The following DPP6 variants were observed in gnomAD, a reference collection of about 807,000 sequenced individuals.
DPP6 encodes A-type potassium channel modulatory protein DPP6.
DPP6 carries 69 observed loss-of-function variants against 122.6 expected under a neutral mutation model. That is an observed-to-expected ratio of 0.56 (90% CI 0.46 to 0.69). The LOEUF (loss-of-function observed/expected upper bound fraction) is 0.69, where lower values mean the gene tolerates loss of function less well. DPP6 is among the 30% of genes least tolerant of loss of function. The pLI is 0.00. For synonymous variants in DPP6, 418 were observed against 433.1 expected (o/e 0.97, Z 0.43); for missense variants, 928 against 1,116.9 (o/e 0.83, Z 2.41).
intron 1 of DPP6, among the ~76,000 whole-genome samples, chr7:154,249,858 C>T (rs1802236879): frequency 6.6e-6 from 1 of 152,052 alleles, no homozygotes; most frequent in Admixed American, 6.6e-5. Flanking sequence ...AGGAGACCAC[C>T]CTTCATACTG....
intron 1 of DPP6, among the ~76,000 whole-genome samples, chr7:154,318,935 A>G (rs190175550): frequency 0.016 from 2,472 of 152,274 alleles, 34 homozygotes; most frequent in Non-Finnish European, 0.022. Flanking sequence ...TGATGGGCTT[A>G]TGCCCAGGCA....
At chr7:154,020,666 C>A (rs1383066453) in intron 1 of DPP6, among the ~76,000 whole-genome samples, 1 of 152,156 alleles carries the variant, frequency 6.6e-6, no homozygotes, top group Non-Finnish European at 1.5e-5. Flanking sequence ...ATTTAAATAG[C>A]CTCTGACCTC....
chr7:154,280,856 C>T (rs1026918406), intron 1 of DPP6, among the ~76,000 whole-genome samples: 49 of 152,216 alleles, frequency 3.2e-4, no homozygotes, highest in East Asian at 7.7e-4. Flanking sequence ...AGCCATCCCA[C>T]GAGGTAACCA....
chr7:154,884,633 A>ACG (rs2150689331), intron 21 of DPP6: 1 of 109,980 alleles, frequency 9.1e-6, no homozygotes. Flanking sequence ...ACACAGGCTC[A>ACG]TACACATGCT....
chr7:154,791,483 C>G (rs1353158231), intron 10 of DPP6, among the ~76,000 whole-genome samples: 1 of 152,132 alleles, frequency 6.6e-6, no homozygotes, highest in African/African-American at 2.4e-5. Context: ...AACTTATTCC[C>G]TACCATGGGA....
intron 1 of DPP6, among the ~76,000 whole-genome samples, chr7:154,405,222 A>G (rs1815980406): frequency 6.6e-6 from 1 of 152,178 alleles, no homozygotes; most frequent in Admixed American, 6.5e-5. Context: ...ACACCCATTA[A>G]ATTACATAGC....
intron 4 of DPP6, among the ~76,000 whole-genome samples, chr7:154,543,229 A>C (rs1447550314): frequency 6.6e-6 from 1 of 152,236 alleles, no homozygotes; most frequent in Non-Finnish European, 1.5e-5. Flanking sequence ...TTGGGCTATA[A>C]AACAGCCTTA....
chr7:154,043,190 C>G (rs1031739170), intron 1 of DPP6, among the ~76,000 whole-genome samples: 1 of 151,914 alleles, frequency 6.6e-6, no homozygotes, highest in African/African-American at 2.4e-5. Flanking sequence ...GGGTTTGAGA[C>G]CAACCTGACC....
At chr7:154,683,814 C>T (rs193014677) in intron 7 of DPP6, among the ~76,000 whole-genome samples, 1 of 152,296 alleles carries the variant, frequency 6.6e-6, no homozygotes, top group Non-Finnish European at 1.5e-5. Flanking sequence ...CCCAGACCAC[C>T]TCTCACTGCG....
At chr7:154,132,872 C>T (rs1318996929) in intron 1 of DPP6, among the ~76,000 whole-genome samples, 1 of 151,990 alleles carries the variant, frequency 6.6e-6, no homozygotes, top group Non-Finnish European at 1.5e-5. Context: ...ATAGTATTCT[C>T]TTTCCAAGAA....
chr7:153,760,772 T>C, the DPP6 span, among the ~76,000 whole-genome samples: 1 of 152,190 alleles, frequency 6.6e-6, no homozygotes, highest in African/African-American at 2.4e-5. Flanking sequence ...TTTTCTGTCC[T>C]GTGTGAGTGT....
chr7:154,371,451 G>C (rs1812669895), intron 1 of DPP6, among the ~76,000 whole-genome samples: 1 of 150,022 alleles, frequency 6.7e-6, no homozygotes, highest in Non-Finnish European at 1.5e-5. Flanking sequence ...AAATGTTGCA[G>C]TGAAAAAATA....
chr7:154,156,135 G>A (rs1365059289), intron 1 of DPP6, among the ~76,000 whole-genome samples: 1 of 152,212 alleles, frequency 6.6e-6, no homozygotes, highest in Non-Finnish European at 1.5e-5. Flanking sequence ...ATGCCCTGAG[G>A]AGCTCTGGGA....
At chr7:154,109,403 GTC>G (rs1806404394) in intron 1 of DPP6, among the ~76,000 whole-genome samples, 1 of 151,942 alleles carries the variant, frequency 6.6e-6, no homozygotes, top group African/African-American at 2.4e-5. Flanking sequence ...TGATTTTCCT[GTC>G]TCAGCCTCCT....
intron 1 of DPP6, among the ~76,000 whole-genome samples, chr7:154,120,543 C>T (rs1266788751): frequency 1.3e-5 from 2 of 152,150 alleles, no homozygotes; most frequent in Non-Finnish European, 2.9e-5. Flanking sequence ...CGCGCCCAGC[C>T]ATCTATGTTC....
intron 1 of DPP6, among the ~76,000 whole-genome samples, chr7:154,418,921 C>T (rs1212225511): frequency 6.6e-6 from 1 of 152,214 alleles, no homozygotes; most frequent in African/African-American, 2.4e-5. Flanking sequence ...CAAGGCTGTG[C>T]ATTCCAGACC....
At chr7:153,955,076 GC>G (rs1353114376) in intron 1 of DPP6, among the ~76,000 whole-genome samples, 2 of 152,164 alleles carry the variant, frequency 1.3e-5, no homozygotes, top group African/African-American at 4.8e-5. Flanking sequence ...TCTTCAGACT[GC>G]GAGAATGTAG....
intron 1 of DPP6, among the ~76,000 whole-genome samples, chr7:154,412,987 T>C (rs1816738613): frequency 6.6e-6 from 1 of 152,210 alleles, no homozygotes; most frequent in Non-Finnish European, 1.5e-5. Context: ...AGATTCCACA[T>C]GTGGTCCAAG....
At chr7:154,443,333 C>T (rs1188221658) in intron 1 of DPP6, among the ~76,000 whole-genome samples, 1 of 150,994 alleles carries the variant, frequency 6.6e-6, no homozygotes, top group Non-Finnish European at 1.5e-5. Context: ...CCCATTCCTG[C>T]ACTAGATTAC....
Sources: gnomAD v4.1 joint callset for allele counts (sites outside exome capture counted in the v4.1 genomes callset) on GRCh38, gnomAD v4.1.1 for gene constraint, MANE v1.5 for transcripts, NCBI Gene and HGNC (gene_info 2026-07-23, HGNC 2026-07-21) for gene names.